The following KIAA0232 variants were observed in gnomAD, a reference collection of about 807,000 sequenced individuals.
KIAA0232 encodes uncharacterized protein KIAA0232.
KIAA0232 carries 27 observed loss-of-function variants against 122.0 expected under a neutral mutation model. The ratio of observed to expected loss-of-function variants is 0.22; its 90% CI spans 0.16 to 0.31. KIAA0232 has a LOEUF of 0.31. Ranked by LOEUF, KIAA0232 falls within the 10% of genes least tolerant of loss-of-function variation. KIAA0232 has a pLI of 1.00. For synonymous variants in KIAA0232, 613 were observed against 587.6 expected, an observed-to-expected ratio of 1.04 and a Z score of -0.63; for missense variants, 1,551 against 1,634.2, an observed-to-expected ratio of 0.95 and a Z score of 0.88.
At chr4:6,849,704 G>A (rs1258101915) in intron 4 of KIAA0232, among the ~76,000 whole-genome samples, 1 of 152,000 alleles carries the variant, frequency 6.6e-6, no homozygotes, top group East Asian at 1.9e-4. Context: ...GCTTGAACCA[G>A]GCGGTGGAGC....
chr4:6,800,479 C>T (rs1692536306), intron 1 of KIAA0232, among the ~76,000 whole-genome samples: 1 of 151,338 alleles, frequency 6.6e-6, no homozygotes, highest in African/African-American at 2.4e-5. Flanking sequence ...GTCAGGAGTT[C>T]GAGACCAGCC....
chr4:6,827,474 A>G (rs557198595), intron 3 of KIAA0232, among the ~76,000 whole-genome samples: 1 of 152,334 alleles, frequency 6.6e-6, no homozygotes, highest in Admixed American at 6.5e-5. Flanking sequence ...CATGCCTGTG[A>G]TAACGCAGCC....
rs1349789686 is a variant in KIAA0232 at position 6,882,081 on chromosome 4, T to C, written c.*1115T>C. The C allele has an allele frequency of 2.0e-5, 3 of 152,620 alleles. No individual in the cohort carries two copies. The highest frequency in any genetic ancestry group is 7.2e-5 in the African/African-American group (3 of 41,452). 9.5% of individuals were successfully genotyped at this position (152,620 alleles called of 1,614,324 possible). A position where few individuals can be genotyped will look rare whatever the true frequency, so the allele number is the denominator to read the frequency against. ...CCGTGGGACTGGCTCCCGTTTCTCC[T>C]TGGTGAGCCCGGGGAGCCGGCGCAT... is the stretch of plus-strand genomic sequence containing the variant. On this transcript the variant is annotated 3_prime_UTR_variant, in exon 10 of 10. Coordinates refer to ENST00000307659, the MANE Select transcript of KIAA0232 (RefSeq NM_014743.3).
rs61021076 is a variant in KIAA0232, at chr4:6,882,625, GGTGT to G, written c.*1679_*1682del. On this transcript the variant is annotated 3_prime_UTR_variant, in exon 10 of 10. Transcript: ENST00000307659. Reference sequence around the variant, plus strand: ...ATTTTTTGACACTTTAAGGTGGGTGGGTGTGTGTGTGTGTGTGTGTGTGCGCGCG... The same window carrying G: ...ATTTTTTGACACTTTAAGGTGGGTGGGTGTGTGTGTGTGTGTGTGCGCGCG... The G allele has an allele frequency of 0.027, 4,002 of 150,646 alleles. 66 individuals carry two copies. Among genetic ancestry groups the G allele is most frequent in the Middle Eastern group, 0.041 (12 of 290 alleles). The allele number at this position is 150,646 out of a possible 1,614,324, so 9.3% of individuals were successfully genotyped here.
At position 6,833,206 on chromosome 4, in the gene KIAA0232, C is replaced by T. The variant is rs532000795; in HGVS notation, c.231+8522C>T. On this transcript the variant is annotated intron_variant, in intron 3 of 9. Coordinates refer to ENST00000307659, the MANE Select transcript of KIAA0232 (RefSeq NM_014743.3). ...CGCTCCTCGTGTGTGTCACTGCATACACTGTATTTCAACAAACATTCAACA... is the reference window on the plus strand; with the variant it reads ...CGCTCCTCGTGTGTGTCACTGCATATACTGTATTTCAACAAACATTCAACA... 2.2e-3 allele frequency among the ~76,000 whole-genome samples: 329 copies of T among 152,358 alleles called. 1 individual carries two copies. Among genetic ancestry groups the T allele is most frequent in the Non-Finnish European group, 3.7e-3 (249 of 68,034 alleles).
chr4:6,849,496 A>T (rs1720154554), intron 4 of KIAA0232, among the ~76,000 whole-genome samples: 1 of 152,204 alleles, frequency 6.6e-6, no homozygotes, highest in Non-Finnish European at 1.5e-5. Flanking sequence ...CCCACCCATA[A>T]TCCCAGCTAC....
At chr4:6,849,870 A>C (rs1480827953) in intron 4 of KIAA0232, among the ~76,000 whole-genome samples, 1 of 152,170 alleles carries the variant, frequency 6.6e-6, no homozygotes, top group African/African-American at 2.4e-5. Flanking sequence ...GCCTCCTAGG[A>C]GACAGCTAAA....
intron 4 of KIAA0232, among the ~76,000 whole-genome samples, chr4:6,849,974 C>A (rs1275689032): frequency 6.6e-6 from 1 of 151,960 alleles, no homozygotes; most frequent in African/African-American, 2.4e-5. Flanking sequence ...AAGAAATAGC[C>A]CATTTTCTTT....
intron 3 of KIAA0232, among the ~76,000 whole-genome samples, chr4:6,835,758 G>T (rs1007307188): frequency 3.9e-5 from 6 of 152,122 alleles, no homozygotes; most frequent in Non-Finnish European, 5.9e-5. Context: ...TGAGAATAAT[G>T]GTTTTCATCT....
At position 6,871,657 on chromosome 4, in the gene KIAA0232, T is replaced by G. The variant is rs892710386; in HGVS notation, c.3885T>G (p.Pro1295=). 6.2e-7 allele frequency: 1 copy of G among 1,608,626 alleles called. No homozygotes were observed. The highest frequency in any genetic ancestry group is 8.5e-7 in the Non-Finnish European group (1 of 1,175,224). ...QTWWEKALYS[P]LFPASECEEC... is the part of the protein sequence containing the mutation. ...GGTGGGAAAAAGCCTTGTACTCTCC[T>G]CTTTTTCCTGCATCAGAGTGTGAAG... The change falls in exon 8 of 10, where the codon CCT becomes CCG. Residue 1295 remains proline, a synonymous_variant. Coordinates refer to ENST00000307659, the MANE Select transcript of KIAA0232 (RefSeq NM_014743.3).
intron 2 of KIAA0232, among the ~76,000 whole-genome samples, chr4:6,817,816 T>C (rs1718208746): frequency 6.6e-6 from 1 of 152,220 alleles, no homozygotes; most frequent in Non-Finnish European, 1.5e-5. Context: ...TTTGCAGTTC[T>C]ACCAATTTTT....
At chr4:6,842,267 A>C (rs906072491) in intron 4 of KIAA0232, 63 bp downstream of exon 4, 2 of 1,509,426 alleles carry the variant, frequency 1.3e-6, no homozygotes, top group Non-Finnish European at 1.8e-6. Flanking sequence ...TAAGTTTACA[A>C]ATATGACAAC....
At chr4:6,789,000 T>C (rs1262600221) in intron 1 of KIAA0232, among the ~76,000 whole-genome samples, 1 of 152,054 alleles carries the variant, frequency 6.6e-6, no homozygotes, top group Non-Finnish European at 1.5e-5. Flanking sequence ...AGACAGAATC[T>C]CGCTCTGTCG....
chr4:6,787,054 G>A (rs928982070), intron 1 of KIAA0232, among the ~76,000 whole-genome samples: 1 of 151,786 alleles, frequency 6.6e-6, no homozygotes, highest in African/African-American at 2.4e-5. Flanking sequence ...GGTGGAGCAC[G>A]CCTATAGTCC....
At chr4:6,786,472 A>C (rs112338899) in intron 1 of KIAA0232, among the ~76,000 whole-genome samples, 172 of 152,054 alleles carry the variant, frequency 1.1e-3, no homozygotes, top group Non-Finnish European at 1.9e-3. Flanking sequence ...TCAGCTAATT[A>C]AAACAATTTG....
rs147819340 is a variant in KIAA0232 at position 6,807,631 on chromosome 4, G to A, written c.-270+3025G>A. 2.3e-3 allele frequency among the ~76,000 whole-genome samples: 353 copies of A among 152,272 alleles called. 2 individuals are homozygous for A. The highest frequency in any genetic ancestry group is 1.6e-3 in the Non-Finnish European group (109 of 68,016). ...CGGTTTACATAGTTTATAGCCCTTG[G>A]TTCCTGTTTTCAGTGCTTGAATTCC... On this transcript the variant is annotated intron_variant, in intron 2 of 9. Transcript: ENST00000307659.
At chr4:6,844,560 C>G (rs774421619) in intron 4 of KIAA0232, among the ~76,000 whole-genome samples, 1 of 151,930 alleles carries the variant, frequency 6.6e-6, no homozygotes, top group Non-Finnish European at 1.5e-5. Flanking sequence ...CTCAGCCTCC[C>G]GAGTAGCTGG....
intron 4 of KIAA0232, among the ~76,000 whole-genome samples, chr4:6,845,237 C>T (rs755691497): frequency 3.9e-4 from 59 of 152,272 alleles, no homozygotes; most frequent in Non-Finnish European, 5.9e-4. Flanking sequence ...TTTGATAAGC[C>T]CTGGTGAGGG....
At chr4:6,812,490 A>G (rs1717923298) in intron 2 of KIAA0232, among the ~76,000 whole-genome samples, 1 of 152,206 alleles carries the variant, frequency 6.6e-6, no homozygotes, top group South Asian at 2.1e-4. Context: ...TAATATATAG[A>G]AATAATAAAT....
Sources: allele counts gnomAD v4.1 joint callset (sites outside exome capture counted in the v4.1 genomes callset), GRCh38; gene constraint gnomAD v4.1.1; transcripts MANE v1.5; gene names NCBI Gene and HGNC (gene_info 2026-07-23, HGNC 2026-07-21).